MBD5: variants seen among roughly 807,000 people sequenced by gnomAD.
The protein encoded by MBD5 is methyl-CpG-binding domain protein 5.
In MBD5, 13 loss-of-function variants were observed where a neutral mutation model predicts 117.3. The observed-to-expected ratio is 0.11, with a 90% CI of 0.07 to 0.18. MBD5 has a LOEUF of 0.18. Ranked by LOEUF, MBD5 falls within the 10% of genes least tolerant of loss-of-function variation. MBD5 has a pLI of 1.00. For missense variants in MBD5, 1,879 were observed against 2,093.8 expected (o/e 0.90, Z 2.00); for synonymous variants, 727 against 766.4 (o/e 0.95, Z 0.85).
At chr2:148,392,517 G>A (rs1704596596) in intron 4 of MBD5, among the ~76,000 whole-genome samples, 1 of 152,136 alleles carries the variant, frequency 6.6e-6, no homozygotes, top group African/African-American at 2.4e-5. Flanking sequence ...CTGTTTGAGA[G>A]CCACTTATGT....
At chr2:148,275,266 A>G (rs145634592) in intron 3 of MBD5, among the ~76,000 whole-genome samples, 45 of 152,128 alleles carry the variant, frequency 3.0e-4, no homozygotes, top group African/African-American at 1.1e-3. Flanking sequence ...AATTCCCAGT[A>G]TTATTTCTTT....
chr2:148,219,280 AG>A lies in MBD5; in HGVS notation c.-830-13961del, dbSNP rs200150462. 4.6e-5 allele frequency among the ~76,000 whole-genome samples: 7 copies of A among 152,276 alleles called. No individual in the cohort carries two copies. In the East Asian group the frequency reaches 1.3e-3, roughly 29 times the overall value. On this transcript the variant is annotated intron_variant, in intron 2 of 13. Coordinates refer to ENST00000642680, the MANE Select transcript of MBD5 (RefSeq NM_001378120.1). Reference sequence around the variant, plus strand: ...TATCTTGTCTCACTGGAAGGATCTCAGGGGCAGTAACCCACACGGAGCTGTC... The same window carrying A: ...TATCTTGTCTCACTGGAAGGATCTCAGGGCAGTAACCCACACGGAGCTGTC...
chr2:148,049,493 T>C (rs1018381316), intron 1 of MBD5, among the ~76,000 whole-genome samples: 5 of 152,318 alleles, frequency 3.3e-5, no homozygotes, highest in Admixed American at 3.3e-4. Flanking sequence ...ACTGTTTACC[T>C]AGTACTGTAG....
intron 11 of MBD5, among the ~76,000 whole-genome samples, chr2:148,494,911 C>A (rs1025893488): frequency 6.6e-6 from 1 of 152,012 alleles, no homozygotes; most frequent in Non-Finnish European, 1.5e-5. Flanking sequence ...CGCAGTTAGC[C>A]GAGATCGCGC....
At chr2:148,047,930 A>G (rs998515846) in intron 1 of MBD5, among the ~76,000 whole-genome samples, 1 of 152,228 alleles carries the variant, frequency 6.6e-6, no homozygotes, top group African/African-American at 2.4e-5. Context: ...GATCTCATAC[A>G]TAGAGTTGTT....
At chr2:148,050,781 A>G (rs547455542) in intron 1 of MBD5, among the ~76,000 whole-genome samples, 12 of 152,234 alleles carry the variant, frequency 7.9e-5, no homozygotes, top group African/African-American at 2.6e-4. Flanking sequence ...CCTTATATCA[A>G]TACTACACTG....
At chr2:148,105,159 CTTA>C (rs1696335561) in intron 1 of MBD5, among the ~76,000 whole-genome samples, 1 of 150,116 alleles carries the variant, frequency 6.7e-6, no homozygotes, top group African/African-American at 2.4e-5. Flanking sequence ...TTAATATTTT[CTTA>C]TTATCTGTTT....
intron 1 of MBD5, among the ~76,000 whole-genome samples, chr2:148,118,983 T>A (rs777955921): frequency 6.6e-6 from 1 of 152,202 alleles, no homozygotes; most frequent in African/African-American, 2.4e-5. Flanking sequence ...AATGCTGATA[T>A]GAATATTATG....
At chr2:148,309,890 G>A (rs1478410075) in intron 3 of MBD5, among the ~76,000 whole-genome samples, 1 of 152,016 alleles carries the variant, frequency 6.6e-6, no homozygotes, top group African/African-American at 2.4e-5. Context: ...TTTATCAAAG[G>A]CCTTTTCTGC....
intron 1 of MBD5, among the ~76,000 whole-genome samples, chr2:148,106,364 T>C (rs1246035429): frequency 6.6e-6 from 1 of 151,952 alleles, no homozygotes; most frequent in African/African-American, 2.4e-5. Context: ...AATGCCTTTT[T>C]CCTTAGAGTA....
At chr2:148,206,645 T>G (rs1699289920) in intron 2 of MBD5, among the ~76,000 whole-genome samples, 2 of 152,204 alleles carry the variant, frequency 1.3e-5, no homozygotes, top group Admixed American at 1.3e-4. Flanking sequence ...TTTTAAAAAG[T>G]AGATTTCTGA....
chr2:148,296,446 T>C (rs753857649), intron 3 of MBD5: 2 of 155,176 alleles, frequency 1.3e-5, no homozygotes, highest in Non-Finnish European at 2.9e-5. Context: ...GGTTGTCTTG[T>C]ATGCTAGAAC....
At chr2:148,111,058 A>C (rs903922620) in intron 1 of MBD5, among the ~76,000 whole-genome samples, 4 of 152,058 alleles carry the variant, frequency 2.6e-5, no homozygotes, top group African/African-American at 2.4e-5. Flanking sequence ...CAATTAGTTC[A>C]TTATTTTTTA....
At chr2:148,025,324 G>A (rs1693862995) in intron 1 of MBD5, 1 of 151,968 alleles carries the variant, frequency 6.6e-6, no homozygotes, top group Non-Finnish European at 1.5e-5. Flanking sequence ...GTGGAAAAAT[G>A]CATGTTTAAG....
chr2:148,338,563 T>C (rs1702855592), intron 3 of MBD5, among the ~76,000 whole-genome samples: 1 of 152,122 alleles, frequency 6.6e-6, no homozygotes, highest in Non-Finnish European at 1.5e-5. Flanking sequence ...CTCTCAAAGA[T>C]TCAGGAAAGA....
At chr2:148,392,781 A>T (rs1301729077) in intron 4 of MBD5, among the ~76,000 whole-genome samples, 2 of 152,078 alleles carry the variant, frequency 1.3e-5, no homozygotes, top group African/African-American at 4.8e-5. Flanking sequence ...GCTTGCCTTC[A>T]TCAGGCCTGG....
At chr2:148,499,663 T>A (rs1294214904) in intron 11 of MBD5, among the ~76,000 whole-genome samples, 2 of 152,250 alleles carry the variant, frequency 1.3e-5, no homozygotes, top group Non-Finnish European at 2.9e-5. Flanking sequence ...TTAACCTTTT[T>A]AATGTTACAT....
chr2:148,256,028 C>G (rs1700581185), intron 3 of MBD5, among the ~76,000 whole-genome samples: 1 of 152,224 alleles, frequency 6.6e-6, no homozygotes, highest in Non-Finnish European at 1.5e-5. Context: ...AGGCCTGTGG[C>G]CGTGTCCACA....
chr2:148,040,379 T>G (rs1466933128), intron 1 of MBD5, among the ~76,000 whole-genome samples: 1 of 152,082 alleles, frequency 6.6e-6, no homozygotes, highest in Non-Finnish European at 1.5e-5. Flanking sequence ...GATAATATCT[T>G]CTTTAAAATT....
Sources: allele counts gnomAD v4.1 joint callset (sites outside exome capture counted in the v4.1 genomes callset), GRCh38; gene constraint gnomAD v4.1.1; transcripts MANE v1.5; gene names NCBI Gene and HGNC (gene_info 2026-07-23, HGNC 2026-07-21).